SOX9: variants seen among roughly 807,000 people sequenced by gnomAD.
SOX9 encodes the protein transcription factor SOX-9.
SOX9 carries 2 observed loss-of-function variants against 44.8 expected under a neutral mutation model. That is an observed-to-expected ratio of 0.04 (90% confidence interval 0.02 to 0.14). The LOEUF (loss-of-function observed/expected upper bound fraction) is 0.14. Ranked by LOEUF, SOX9 falls within the 10% of genes least tolerant of loss-of-function variation. The pLI is 1.00. For synonymous variants in SOX9, 381 were observed against 331.8 expected, an observed-to-expected ratio of 1.15 and a Z score of -1.61; for missense variants, 583 against 728.6, an observed-to-expected ratio of 0.80 and a Z score of 2.30.
At chr17:72,122,632 C>A in intron 1 of SOX9, 87 bp from the exon 2 acceptor site, 2 of 1,385,924 alleles carry the variant, frequency 1.4e-6, no homozygotes, top group South Asian at 1.3e-5. Flanking sequence ...TGGGTCGCCG[C>A]CTCCTCCCCG....
Position 72,121,616 on chromosome 17 carries a change from G to C in SOX9, c.225G>C (p.Glu75Asp), listed in dbSNP as rs750706326. ...ACAAGTTCCCCGTGTGCATCCGCGA[G>C]GCGGTCAGCCAGGTGCTCAAAGGCT... ...EEDKFPVCIR[E>D]AVSQVLKGYD... The change falls in exon 1 of 3, where the codon GAG (glutamate) becomes GAC (aspartate). Residue 75 changes from glutamate to aspartate, a missense_variant. Physicochemically the swap from Glu to Asp is conservative, Grantham distance 45 (BLOSUM62 2). Transcript: ENST00000245479. This position sits in a 1 kb window ranked among gnomAD's most constrained non-coding sequence, Gnocchi z 8.3. The C allele has an allele frequency of 1.2e-6, 2 of 1,603,324 alleles. No homozygotes were observed. The highest frequency in any genetic ancestry group is 1.7e-6 in the Non-Finnish European group (2 of 1,175,310).
intron 1 of SOX9, among the ~76,000 whole-genome samples, chr17:72,122,199 C>A (rs545909648): frequency 6.6e-6 from 1 of 151,934 alleles, no homozygotes. Context: ...TGCACTCTCT[C>A]GTGCAGCCCC....
In SOX9 at chr17:72,123,328, G is replaced by T. The variant is rs1013845715; in HGVS notation, c.686-215G>T. Among the ~76,000 whole-genome samples the T allele has an allele frequency of 3.9e-5, 6 of 152,222 alleles. No individual in the cohort carries two copies. Among genetic ancestry groups the T allele is most frequent in the Non-Finnish European group, 8.8e-5 (6 of 68,038 alleles). On this transcript the variant is annotated intron_variant, in intron 2 of 2. Transcript: ENST00000245479. This position sits in a 1 kb window ranked among gnomAD's most constrained non-coding sequence, Gnocchi z 6.5. ...GCAATTAGGTCTTCCGGACCCTCCG[G>T]GCCCCAGACCCTCCCCTGATAAAAG... is the stretch of plus-strand genomic sequence containing the variant.
chr17:72,122,644 C>T (rs1394257587), intron 1 of SOX9, 75 bp from the exon 2 acceptor site: 1 of 1,503,714 alleles, frequency 6.7e-7, no homozygotes, highest in South Asian at 1.2e-5. Flanking sequence ...TCCTCCCCGC[C>T]GACCTGACAG....
chr17:72,121,790 C>T lies in SOX9; in HGVS notation c.399C>T (p.Ala133=), dbSNP rs769986666. The stretch of plus-strand genomic sequence containing the variant: ...ACCAGTACCCGCACTTGCACAACGC[C>T]GAGCTCAGCAAGACGCTGGGCAAGC... ...LADQYPHLHN[A]ELSKTLGKLW... Residue 133 remains alanine, a synonymous_variant, in exon 1 of 3, where the codon GCC becomes GCT. Transcript: ENST00000245479. The surrounding 1 kb of genome is among the most constrained non-coding windows in gnomAD (Gnocchi z 8.3). 1 of 1,593,484 alleles carries T rather than the reference C, an allele frequency of 6.3e-7. No individual in the cohort carries two copies. Among genetic ancestry groups the T allele is most frequent in the Admixed American group, 1.8e-5 (1 of 56,870 alleles).
chr17:72,123,654 C>T lies in SOX9; in HGVS notation c.797C>T (p.Pro266Leu), dbSNP rs1908181043. The change falls in exon 3 of 3, where the codon CCC becomes CTC. Residue 266 changes from proline (P) to leucine (L), a missense_variant. Pro to Leu is a moderately conservative substitution (Grantham distance 98). Around this residue, in one of 7 missense-constraint regions of SOX9, gnomAD observed 349 missense variants for 387.0 expected, o/e 0.90. Transcript: ENST00000245479. The surrounding 1 kb of genome is among the most constrained non-coding windows in gnomAD (Gnocchi z 6.5). ...GRPLPEGGRQ[P>L]PIDFRDVDIG... ...CCCTTGCCAGAGGGGGGCAGACAGC[C>T]CCCTATCGACTTCCGCGACGTGGAC... 3.1e-6 allele frequency: 5 copies of T among 1,614,004 alleles called. No individual in the cohort carries two copies. The highest frequency in any genetic ancestry group is 4.2e-6 in the Non-Finnish European group (5 of 1,180,014).
chr17:72,123,327 G>A lies in SOX9; in HGVS notation c.686-216G>A, dbSNP rs116608887. 2.9e-3 allele frequency among the ~76,000 whole-genome samples: 441 copies of A among 152,322 alleles called. 3 individuals carry two copies. Among genetic ancestry groups the A allele is most frequent in the African/African-American group, 8.6e-3 (358 of 41,582 alleles). On this transcript the variant is annotated intron_variant, in intron 2 of 2. Transcript: ENST00000245479. The surrounding 1 kb of genome is among the most constrained non-coding windows in gnomAD (Gnocchi z 6.5). ...AGCAATTAGGTCTTCCGGACCCTCC[G>A]GGCCCCAGACCCTCCCCTGATAAAA...
rs1238492044 is a variant in SOX9 at position 72,124,656 on chromosome 17, G to A, written c.*269G>A. The A allele has an allele frequency of 3.4e-5, 19 of 561,330 alleles. No homozygotes were observed. The highest frequency in any genetic ancestry group is 1.8e-4 in the South Asian group (9 of 48,924). 34.8% of individuals were successfully genotyped at this position (561,330 alleles called of 1,614,324 possible). ...GCCAACCTTGGCTAAATGGAGCAGCGAAATCAACGAGAAACTGGACTTTTT... is the reference window on the plus strand; with the variant it reads ...GCCAACCTTGGCTAAATGGAGCAGCAAAATCAACGAGAAACTGGACTTTTT... On this transcript the variant is annotated 3_prime_UTR_variant, in exon 3 of 3. Transcript: ENST00000245479. This position sits in a 1 kb window ranked among gnomAD's most constrained non-coding sequence, Gnocchi z 4.6.
chr17:72,123,453 G>T lies in SOX9; in HGVS notation c.686-90G>T, dbSNP rs569496582. On this transcript the variant is annotated intron_variant, in intron 2 of 2. Coordinates refer to ENST00000245479, the MANE Select transcript of SOX9 (RefSeq NM_000346.4). The surrounding 1 kb of genome is among the most constrained non-coding windows in gnomAD (Gnocchi z 6.5). ...TGCGGGCCCTTATTACACTTTAGCA[G>T]CGAGGGAGGGTCCCCGGAGGGTGCC... 2.5e-6 allele frequency: 4 copies of T among 1,571,216 alleles called. No homozygotes were observed. In the African/African-American group the frequency reaches 5.4e-5, roughly 21 times the overall value.
rs761682807 is a variant in SOX9 at position 72,123,630 on chromosome 17, C to G, written c.773C>G (p.Pro258Arg). The G allele has an allele frequency of 6.2e-6, 10 of 1,614,142 alleles. No individual in the cohort carries two copies. The South Asian group carries it at 1.1e-4, about 18-fold the overall frequency. The change falls in exon 3 of 3, where the codon CCC becomes CGC. Residue 258 changes from proline (P) to arginine (R), a missense_variant. Coordinates refer to ENST00000245479, the MANE Select transcript of SOX9 (RefSeq NM_000346.4). This position sits in a 1 kb window ranked among gnomAD's most constrained non-coding sequence, Gnocchi z 6.5. ...GCTGACCTGAAGCGAGAGGGGCGCCCCTTGCCAGAGGGGGGCAGACAGCCC... is the reference window on the plus strand; with the variant it reads ...GCTGACCTGAAGCGAGAGGGGCGCCGCTTGCCAGAGGGGGGCAGACAGCCC... ...GKADLKREGR[P>R]LPEGGRQPPI...
chr17:72,121,529 G>C lies in SOX9; in HGVS notation c.138G>C (p.Thr46=), dbSNP rs1302744345. The change falls in exon 1 of 3, where the codon ACG becomes ACC. Residue 46 remains threonine, a synonymous_variant. Coordinates refer to ENST00000245479, the MANE Select transcript of SOX9 (RefSeq NM_000346.4). The surrounding 1 kb of genome is among the most constrained non-coding windows in gnomAD (Gnocchi z 8.3). ...GCTCCGGCTCGGACACCGAGAACAC[G>C]CGGCCCCAGGAGAACACGTTCCCCA... ...PSGSGSDTEN[T]RPQENTFPKG... is the part of the protein sequence containing the mutation. 6.2e-7 allele frequency: 1 copy of C among 1,608,906 alleles called. No homozygotes were observed.
chr17:72,125,072 G>T lies in SOX9; in HGVS notation c.*685G>T, dbSNP rs1012004587. The T allele has an allele frequency of 3.1e-5, 7 of 225,174 alleles. No individual in the cohort carries two copies. The highest frequency in any genetic ancestry group is 6.2e-5 in the Non-Finnish European group (7 of 113,036). The allele number at this position is 225,174 out of a possible 1,614,324, so 13.9% of individuals were successfully genotyped here. On this transcript the variant is annotated 3_prime_UTR_variant, in exon 3 of 3. Coordinates refer to ENST00000245479, the MANE Select transcript of SOX9 (RefSeq NM_000346.4). ...TTGTGTTATGTGATCAGTTTTGGGG[G>T]TTAACTTTGCTTAATTCCTCAGGCT... is the stretch of plus-strand genomic sequence containing the variant.
Position 72,121,288 on chromosome 17 carries a change from C to G in SOX9, c.-104C>G. 1 of 1,096,122 alleles carries G rather than the reference C, an allele frequency of 9.1e-7. No homozygotes were observed. Among genetic ancestry groups the G allele is most frequent in the Non-Finnish European group, 1.4e-6 (1 of 739,336 alleles). 67.9% of individuals were successfully genotyped at this position (1,096,122 alleles called of 1,614,324 possible). ...CCAGCTTCCCCGGGAGCCGCTTGCTCCGCATCCGGGCAGCCGAGGGGAGAG... is the reference window on the plus strand; with the variant it reads ...CCAGCTTCCCCGGGAGCCGCTTGCTGCGCATCCGGGCAGCCGAGGGGAGAG... On this transcript the variant is annotated 5_prime_UTR_variant, in exon 1 of 3. Coordinates refer to ENST00000245479, the MANE Select transcript of SOX9 (RefSeq NM_000346.4). This position sits in a 1 kb window ranked among gnomAD's most constrained non-coding sequence, Gnocchi z 8.3.
Position 72,121,928 on chromosome 17 carries a change from G to A in SOX9, c.431+106G>A. On this transcript the variant is annotated intron_variant, in intron 1 of 2. Coordinates refer to ENST00000245479, the MANE Select transcript of SOX9 (RefSeq NM_000346.4). The surrounding 1 kb of genome is among the most constrained non-coding windows in gnomAD (Gnocchi z 8.3). Reference sequence around the variant, plus strand: ...CGCCTCCCATCGCCCGGGAGTTGCCGTTCCGGGAGCCGGCGGGATGGGGTT... The same window carrying A: ...CGCCTCCCATCGCCCGGGAGTTGCCATTCCGGGAGCCGGCGGGATGGGGTT... The A allele has an allele frequency of 7.4e-7, 1 of 1,356,068 alleles. No individual in the cohort carries two copies. The highest frequency in any genetic ancestry group is 9.8e-7 in the Non-Finnish European group (1 of 1,022,336). The allele number at this position is 1,356,068 out of a possible 1,614,324, so 84.0% of individuals were successfully genotyped here.
Position 72,122,971 on chromosome 17 carries a change from G to C in SOX9, c.684G>C (p.Ser228=), listed in dbSNP as rs765164851. 2 of 1,612,698 alleles carry C rather than the reference G, an allele frequency of 1.2e-6. No individual in the cohort carries two copies. Among genetic ancestry groups the C allele is most frequent in the African/African-American group, 2.7e-5 (2 of 74,912 alleles). Residue 228 remains serine (S), a splice_region_variant and synonymous_variant, in exon 2 of 3, where the codon TCG becomes TCC. Coordinates refer to ENST00000245479, the MANE Select transcript of SOX9 (RefSeq NM_000346.4). The stretch of plus-strand genomic sequence containing the variant: ...AGGTGCACTCCCCCGGCGAGCACTC[G>C]GGTGAGTCGCCCCTCGACCCCACCG... The part of the protein sequence containing the change: ...MSEVHSPGEH[S]GQSQGPPTPP...
rs1404583942 is a variant in SOX9, at chr17:72,121,438, A to G, written c.47A>G (p.Lys16Arg). Reference protein sequence around the residue: ...PFMKMTDEQEKGLSGAPSPTM... With the variant: ...PFMKMTDEQERGLSGAPSPTM... ...ATGAAGATGACCGACGAGCAGGAGA[A>G]GGGCCTGTCCGGCGCCCCCAGCCCC... is the stretch of plus-strand genomic sequence containing the variant. The change falls in exon 1 of 3, where the codon AAG becomes AGG. Residue 16 changes from lysine to arginine, a missense_variant. Around this residue, in one of 7 missense-constraint regions of SOX9, gnomAD observed 101 missense variants for 98.6 expected, o/e 1.02. Coordinates refer to ENST00000245479, the MANE Select transcript of SOX9 (RefSeq NM_000346.4). The surrounding 1 kb of genome is among the most constrained non-coding windows in gnomAD (Gnocchi z 8.3). 1.2e-6 allele frequency: 2 copies of G among 1,612,306 alleles called. No individual in the cohort carries two copies. Among genetic ancestry groups the G allele is most frequent in the Non-Finnish European group, 1.7e-6 (2 of 1,179,654 alleles).
rs1567911609 is a variant in SOX9, at chr17:72,124,082, GAGC to G, written c.1236_1238del (p.Gln412del). On this transcript the variant is annotated inframe_deletion, in exon 3 of 3. Transcript: ENST00000245479. This position sits in a 1 kb window ranked among gnomAD's most constrained non-coding sequence, Gnocchi z 4.6. ...GCAGCTGAGCCCCAGCCACTACAGC[GAGC>G]AGCAGCAGCACTCGCCCCAACAGAT... The G allele has an allele frequency of 6.2e-7, 1 of 1,613,530 alleles. No homozygotes were observed. The highest frequency in any genetic ancestry group is 1.1e-5 in the South Asian group (1 of 91,070).
At position 72,124,083 on chromosome 17, in the gene SOX9, A is replaced by G. The variant is rs2143255705; in HGVS notation, c.1226A>G (p.Glu409Gly). 1 of 1,613,416 alleles carries G rather than the reference A, an allele frequency of 6.2e-7. No individual in the cohort carries two copies. Among genetic ancestry groups the G allele is most frequent in the Admixed American group, 1.7e-5 (1 of 60,012 alleles). ...TEQLSPSHYSEQQQHSPQQIA... is the reference protein window; with the variant it reads ...TEQLSPSHYSGQQQHSPQQIA... ...CAGCTGAGCCCCAGCCACTACAGCG[A>G]GCAGCAGCAGCACTCGCCCCAACAG... Residue 409 changes from glutamate to glycine, a missense_variant, in exon 3 of 3, where the codon GAG (glutamate) becomes GGG (glycine). Transcript: ENST00000245479. This position sits in a 1 kb window ranked among gnomAD's most constrained non-coding sequence, Gnocchi z 4.6.
chr17:72,122,492 G>A (rs1908129407), intron 1 of SOX9, among the ~76,000 whole-genome samples: 1 of 148,544 alleles, frequency 6.7e-6, no homozygotes, highest in Non-Finnish European at 1.5e-5. Flanking sequence ...AGGGGAGGGA[G>A]GGGGCGGGGA....
Sources: allele counts gnomAD v4.1 joint callset (sites outside exome capture counted in the v4.1 genomes callset), GRCh38; gene constraint gnomAD v4.1.1; regional missense constraint gnomAD v4.1.1; non-coding constraint Gnocchi (gnomAD v3.1); transcripts MANE v1.5; gene names NCBI Gene and HGNC (gene_info 2026-07-23, HGNC 2026-07-21).